Variants in RALYL observed in about 807,000 individuals in gnomAD.
RALYL encodes the protein RNA-binding Raly-like protein.
RALYL carries 29 observed loss-of-function variants against 35.1 expected under a neutral mutation model. That is an observed-to-expected ratio of 0.83 (90% CI 0.61 to 1.13). The LOEUF (loss-of-function observed/expected upper bound fraction) is 1.13. RALYL is among the 50% of genes most tolerant of loss of function. RALYL has a pLI of 0.00. For synonymous variants in RALYL, 120 were observed against 127.6 expected (o/e 0.94, Z 0.40); for missense variants, 359 against 360.4 (o/e 1.00, Z 0.03).
At chr8:84,531,026 T>C (rs2059244673) in intron 2 of RALYL, among the ~76,000 whole-genome samples, 2 of 152,158 alleles carry the variant, frequency 1.3e-5, no homozygotes, top group South Asian at 4.1e-4. Flanking sequence ...GACCAGCCTA[T>C]CTAAAATAGA....
At chr8:84,191,885 G>A (rs1813978443) in intron 1 of RALYL, among the ~76,000 whole-genome samples, 1 of 152,184 alleles carries the variant, frequency 6.6e-6, no homozygotes. Context: ...TGTAAGAAAT[G>A]TAAGAATTAG....
intron 2 of RALYL, among the ~76,000 whole-genome samples, chr8:84,608,053 T>C (rs1817540953): frequency 1.3e-5 from 2 of 152,050 alleles, no homozygotes; most frequent in East Asian, 3.9e-4. Flanking sequence ...CTTGTTGCGG[T>C]CTAGAAACAG....
At chr8:84,902,818 T>C (rs1056344938) in intron 8 of RALYL, among the ~76,000 whole-genome samples, 2 of 152,182 alleles carry the variant, frequency 1.3e-5, no homozygotes, top group Non-Finnish European at 1.5e-5. Flanking sequence ...AATAGGATCA[T>C]GTTTATGAAA....
intron 1 of RALYL, among the ~76,000 whole-genome samples, chr8:84,274,541 C>T (rs765951339): frequency 2.7e-4 from 41 of 152,068 alleles, no homozygotes; most frequent in Middle Eastern, 3.4e-3. Context: ...CAAATTTTTG[C>T]GCCTGAGTCT....
chr8:84,727,260 G>A (rs767755925), intron 2 of RALYL, among the ~76,000 whole-genome samples: 33 of 152,058 alleles, frequency 2.2e-4, no homozygotes, highest in African/African-American at 6.3e-4. Context: ...ATGATTCTGC[G>A]CTTCTGAATT....
At chr8:84,373,228 G>A (rs1232414607) in intron 1 of RALYL, among the ~76,000 whole-genome samples, 3 of 151,392 alleles carry the variant, frequency 2.0e-5, no homozygotes, top group Non-Finnish European at 4.4e-5. Flanking sequence ...ACTGTGCCAA[G>A]CTCTTTAGTC....
intron 1 of RALYL, among the ~76,000 whole-genome samples, chr8:84,444,656 C>T (rs2048680559): frequency 6.6e-6 from 1 of 151,974 alleles, no homozygotes; most frequent in Non-Finnish European, 1.5e-5. Flanking sequence ...GTGGAACAAA[C>T]AAGGAGGCTA....
At chr8:84,244,261 A>G (rs980802259) in intron 1 of RALYL, among the ~76,000 whole-genome samples, 18 of 152,190 alleles carry the variant, frequency 1.2e-4, no homozygotes, top group African/African-American at 4.1e-4. Flanking sequence ...TGACTCAAAG[A>G]TACAGAAACA....
intron 4 of RALYL, among the ~76,000 whole-genome samples, chr8:84,806,360 C>G (rs1355067697): frequency 2.0e-5 from 3 of 152,120 alleles, no homozygotes; most frequent in African/African-American, 7.2e-5. Context: ...TGTATTTGCC[C>G]TCAAGTCAAA....
intron 2 of RALYL, among the ~76,000 whole-genome samples, chr8:84,706,555 C>T (rs1841251729): frequency 6.6e-6 from 1 of 152,090 alleles, no homozygotes; most frequent in Non-Finnish European, 1.5e-5. Flanking sequence ...ACAGGATATT[C>T]ATTGCCAAAC....
At chr8:84,727,906 C>T (rs570506866) in intron 2 of RALYL, among the ~76,000 whole-genome samples, 52 of 152,180 alleles carry the variant, frequency 3.4e-4, no homozygotes, top group African/African-American at 1.3e-3. Flanking sequence ...CAAGTCCTTG[C>T]TATTGTGAAT....
intron 6 of RALYL, among the ~76,000 whole-genome samples, chr8:84,867,658 T>C (rs1441412907): frequency 1.3e-5 from 2 of 152,214 alleles, no homozygotes; most frequent in South Asian, 4.1e-4. Flanking sequence ...TAGAAGACTG[T>C]TTTTGCTTGC....
At chr8:84,878,099 T>C (rs1841510981) in intron 7 of RALYL, among the ~76,000 whole-genome samples, 1 of 151,962 alleles carries the variant, frequency 6.6e-6, no homozygotes, top group South Asian at 2.1e-4. Context: ...CCCTGGAAAA[T>C]AAATGGTTGA....
At chr8:84,530,992 T>C (rs2059242249) in intron 2 of RALYL, among the ~76,000 whole-genome samples, 1 of 152,154 alleles carries the variant, frequency 6.6e-6, no homozygotes, top group South Asian at 2.1e-4. Context: ...GCTAAAAATT[T>C]ACCTCCAGTG....
intron 2 of RALYL, among the ~76,000 whole-genome samples, chr8:84,685,126 A>G (rs188097970): frequency 2.6e-4 from 40 of 152,202 alleles, no homozygotes; most frequent in Admixed American, 1.2e-3. Context: ...CCCATTTCCA[A>G]ATACAATCAC....
At chr8:84,592,847 C>T (rs1044359236) in intron 2 of RALYL, among the ~76,000 whole-genome samples, 1 of 152,096 alleles carries the variant, frequency 6.6e-6, no homozygotes, top group African/African-American at 2.4e-5. Context: ...TCATTACTCT[C>T]AAATTTGCAC....
chr8:84,788,495 T>C (rs1484339918), intron 3 of RALYL, among the ~76,000 whole-genome samples: 1 of 152,158 alleles, frequency 6.6e-6, no homozygotes, highest in Middle Eastern at 3.2e-3. Context: ...ACAAACACCA[T>C]ACAAATGACT....
chr8:84,402,555 G>C (rs1694037315), intron 1 of RALYL, among the ~76,000 whole-genome samples: 1 of 152,028 alleles, frequency 6.6e-6, no homozygotes, highest in Non-Finnish European at 1.5e-5. Context: ...CACTGTCCTA[G>C]TTCAAACTCA....
chr8:84,492,016 T>C (rs2055369595), intron 1 of RALYL, among the ~76,000 whole-genome samples: 1 of 152,026 alleles, frequency 6.6e-6, no homozygotes. Context: ...AAGCATTTTT[T>C]AGAAGTCATA....
Sources: gnomAD v4.1 joint callset for allele counts (sites outside exome capture counted in the v4.1 genomes callset) on GRCh38, gnomAD v4.1.1 for gene constraint, MANE v1.5 for transcripts, NCBI Gene and HGNC (gene_info 2026-07-23, HGNC 2026-07-21) for gene names.